The following DOCK4 variants were observed in gnomAD, a reference collection of about 807,000 sequenced individuals.
DOCK4 encodes the protein dedicator of cytokinesis protein 4.
Under a neutral mutation model 268.1 loss-of-function variants are expected in DOCK4, and 97 were observed. The observed-to-expected ratio is 0.36, with a 90% CI of 0.31 to 0.43. DOCK4 has a LOEUF of 0.43. Among genes scored for constraint, DOCK4 ranks in the 20% least tolerant of loss-of-function variants. The pLI, the probability that DOCK4 is intolerant of heterozygous loss-of-function variation, is 1.00. For missense variants in DOCK4, 2,145 were observed against 2,455.7 expected (o/e 0.87, Z 2.67); for synonymous variants, 954 against 887.2 (o/e 1.08, Z -1.34).
chr7:112,075,918 T>C (rs1309125618), intron 1 of DOCK4, among the ~76,000 whole-genome samples: 1 of 152,198 alleles, frequency 6.6e-6, no homozygotes, highest in African/African-American at 2.4e-5. Context: ...TGTAGTACAA[T>C]TACCATTTAC....
chr7:111,832,812 G>A (rs774385554), intron 26 of DOCK4, among the ~76,000 whole-genome samples: 6 of 152,200 alleles, frequency 3.9e-5, no homozygotes, highest in Non-Finnish European at 5.9e-5. Context: ...GAGCCACGGC[G>A]CCCCGCCAGC....
intron 1 of DOCK4, among the ~76,000 whole-genome samples, chr7:112,149,794 T>G (rs1815885097): frequency 6.6e-6 from 1 of 152,214 alleles, no homozygotes; most frequent in South Asian, 2.1e-4. Context: ...AAGCACCTGA[T>G]ATGCTTGTCC....
chr7:112,140,686 T>C (rs1814830314), intron 1 of DOCK4, among the ~76,000 whole-genome samples: 1 of 141,942 alleles, frequency 7.0e-6, no homozygotes, highest in Non-Finnish European at 1.6e-5. Flanking sequence ...AAAAAAAACA[T>C]ACACGGAAGA....
intron 1 of DOCK4, among the ~76,000 whole-genome samples, chr7:112,012,980 A>G (rs563711215): frequency 6.6e-6 from 1 of 152,248 alleles, no homozygotes; most frequent in East Asian, 1.9e-4. Flanking sequence ...AGTATCATGA[A>G]AGTCACGAAA....
At chr7:111,760,004 G>A (rs1042262901) in intron 40 of DOCK4, among the ~76,000 whole-genome samples, 177 bp downstream of exon 40, 2 of 152,254 alleles carry the variant, frequency 1.3e-5, no homozygotes, top group South Asian at 4.1e-4. Context: ...GTAATAAATA[G>A]AACAATTAAG....
At chr7:111,987,523 G>T (rs1799142061) in intron 6 of DOCK4, among the ~76,000 whole-genome samples, 1 of 152,126 alleles carries the variant, frequency 6.6e-6, no homozygotes, top group Non-Finnish European at 1.5e-5. Context: ...CATAGGTTTC[G>T]CTCCAACGGA....
intron 1 of DOCK4, among the ~76,000 whole-genome samples, chr7:112,139,642 G>A (rs1471884031): frequency 5.9e-5 from 9 of 152,180 alleles, no homozygotes. Context: ...TGACAAAATA[G>A]TAAGTGCTTT....
intron 12 of DOCK4, among the ~76,000 whole-genome samples, chr7:111,929,502 T>C (rs573040128): frequency 1.5e-4 from 23 of 152,316 alleles, no homozygotes; most frequent in African/African-American, 5.1e-4. Context: ...ATTTCAATGA[T>C]ACTAGAAAGC....
chr7:111,994,223 T>A lies in DOCK4; in HGVS notation c.227A>T (p.Glu76Val). 6.3e-7 allele frequency: 1 copy of A among 1,582,382 alleles called. No homozygotes were observed. The highest frequency in any genetic ancestry group is 2.2e-5 in the East Asian group (1 of 44,570). ...AGAGTCTTCAGTGGGAATAACCATT[T>A]CAAATTGTCTGTGAAATTAAAAAAG... ...NACVKNKGQF[E>V]MVIPTEDSVI... Residue 76 changes from glutamate (E) to valine (V), a missense_variant, in exon 5 of 53, where the codon GAA (glutamate) becomes GTA (valine). Physicochemically the swap from Glu to Val is moderately radical, Grantham distance 121. Around this residue, in one of 2 missense-constraint regions of DOCK4, gnomAD observed 1,598 missense variants for 1,986.7 expected, o/e 0.80. Coordinates refer to ENST00000428084, the MANE Select transcript of DOCK4 (RefSeq NM_001363540.2).
intron 8 of DOCK4, among the ~76,000 whole-genome samples, chr7:111,973,536 G>A (rs2135089812): frequency 6.6e-6 from 1 of 152,258 alleles, no homozygotes; most frequent in African/African-American, 2.4e-5. Context: ...GCAACATATG[G>A]ACTTTATTTG....
At chr7:112,160,506 G>A (rs1239988580) in intron 1 of DOCK4, among the ~76,000 whole-genome samples, 1 of 152,154 alleles carries the variant, frequency 6.6e-6, no homozygotes, top group Non-Finnish European at 1.5e-5. Context: ...TGAGGGAGGA[G>A]CAACTAAGAC....
chr7:112,051,144 A>G (rs140835011), intron 1 of DOCK4, among the ~76,000 whole-genome samples: 4 of 152,264 alleles, frequency 2.6e-5, no homozygotes, highest in Admixed American at 2.6e-4. Flanking sequence ...TGGAACACTA[A>G]AAAATACTGT....
chr7:112,177,911 C>T (rs1359149031), intron 1 of DOCK4, among the ~76,000 whole-genome samples: 1 of 152,208 alleles, frequency 6.6e-6, no homozygotes, highest in Non-Finnish European at 1.5e-5. Context: ...ATCCCATGGG[C>T]ATGACTGGCC....
intron 1 of DOCK4, among the ~76,000 whole-genome samples, chr7:112,102,383 C>G (rs779327600): frequency 1.3e-5 from 2 of 152,130 alleles, no homozygotes; most frequent in Non-Finnish European, 2.9e-5. Context: ...GGGTTCAAAT[C>G]TCAGCCCTGC....
chr7:111,962,965 A>G (rs1161696005), intron 8 of DOCK4, among the ~76,000 whole-genome samples: 1 of 152,210 alleles, frequency 6.6e-6, no homozygotes, highest in Non-Finnish European at 1.5e-5. Context: ...GCTCACATGC[A>G]TGAGCAGCCC....
chr7:112,178,511 C>G (rs2729546), intron 1 of DOCK4, among the ~76,000 whole-genome samples: 27,131 of 152,088 alleles, frequency 0.18, 5,556 homozygotes, highest in African/African-American at 0.5. Context: ...TCCCTACAAC[C>G]TAGCCAGGAA....
chr7:112,091,553 A>G (rs377660388), intron 1 of DOCK4, among the ~76,000 whole-genome samples: 106 of 152,276 alleles, frequency 7.0e-4, no homozygotes, highest in African/African-American at 2.4e-3. Flanking sequence ...GACATTTCCA[A>G]TAGAGACCAT....
chr7:111,764,981 G>A, intron 39 of DOCK4, 137 bp downstream of exon 39: 1 of 458,422 alleles, frequency 2.2e-6, no homozygotes, highest in East Asian at 3.6e-5. Flanking sequence ...TTAATATAGT[G>A]TCTGCAAAGT....
At chr7:112,082,984 G>C (rs1808738160) in intron 1 of DOCK4, among the ~76,000 whole-genome samples, 1 of 151,960 alleles carries the variant, frequency 6.6e-6, no homozygotes, top group Non-Finnish European at 1.5e-5. Flanking sequence ...AAAGTCCACT[G>C]GGTCTACTTT....
Sources: allele counts gnomAD v4.1 joint callset (sites outside exome capture counted in the v4.1 genomes callset), GRCh38; gene constraint gnomAD v4.1.1; regional missense constraint gnomAD v4.1.1; transcripts MANE v1.5; gene names NCBI Gene and HGNC (gene_info 2026-07-23, HGNC 2026-07-21).